KAZN: variants seen among roughly 807,000 people sequenced by gnomAD.
The protein encoded by KAZN is kazrin.
Under a neutral mutation model 87.4 loss-of-function variants are expected in KAZN, and 40 were observed. The ratio of observed to expected loss-of-function variants is 0.46; its 90% CI spans 0.36 to 0.60. The LOEUF is 0.60. Among genes scored for constraint, KAZN ranks in the 20% least tolerant of loss-of-function variants. The probability of loss-of-function intolerance (pLI) is 0.00; values close to 1 mark genes in which losing one functional copy is unlikely to be tolerated. For missense variants in KAZN, 898 were observed against 1,073.9 expected, an observed-to-expected ratio of 0.84 and a Z score of 2.29; for synonymous variants, 466 against 458.3, an observed-to-expected ratio of 1.02 and a Z score of -0.22.
intron 1 of KAZN, among the ~76,000 whole-genome samples, chr1:14,057,374 C>T (rs1642618868): frequency 1.3e-5 from 2 of 152,068 alleles, no homozygotes; most frequent in Admixed American, 1.3e-4. Flanking sequence ...ACCTCATAAT[C>T]CTCCCTCCTC....
chr1:14,180,561 T>C (rs1300280295), exon 2 of KAZN: 7 of 1,550,352 alleles, frequency 4.5e-6, no homozygotes, highest in Non-Finnish European at 6.1e-6. Flanking sequence ...AGTTCCATGA[T>C]ATTGATGAGG....
chr1:14,544,350 CTTTTTT>C (rs374148415), intron 2 of KAZN, among the ~76,000 whole-genome samples: 1 of 98,120 alleles, frequency 1.0e-5, no homozygotes, highest in Admixed American at 1.4e-4. Flanking sequence ...TTCTTTCTTT[CTTTTTT>C]TTTTTTTTTT....
intron 1 of KAZN, among the ~76,000 whole-genome samples, chr1:13,940,661 GAC>G (rs1363961260): frequency 6.6e-6 from 1 of 152,070 alleles, no homozygotes; most frequent in African/African-American, 2.4e-5. Flanking sequence ...ATACAGGTTA[GAC>G]ACAACAGAAG....
At chr1:14,020,560 C>T (rs1464801834) in intron 1 of KAZN, among the ~76,000 whole-genome samples, 2 of 152,184 alleles carry the variant, frequency 1.3e-5, no homozygotes, top group Admixed American at 6.5e-5. Context: ...AAGTGACTAG[C>T]AAACTGTTTT....
intron 2 of KAZN, among the ~76,000 whole-genome samples, chr1:14,355,402 ATTTATTTAT>A (rs1658931723): frequency 5.1e-5 from 1 of 19,542 alleles, no homozygotes; most frequent in Non-Finnish European, 1.2e-4. Context: ...CAATCTACAT[ATTTATTTAT>A]TTATTTATTT....
intron 1 of KAZN, among the ~76,000 whole-genome samples, chr1:14,135,005 GTGCACACA>G (rs61336768): frequency 0.51 from 60,178 of 118,896 alleles, 12,635 homozygotes; most frequent in East Asian, 0.71. Flanking sequence ...ACACACACAT[GTGCACACA>G]TGCACACATA....
rs1455193395 is a variant in KAZN, at chr1:14,697,417, A to G, written c.226+98194A>G. On this transcript the variant is annotated intron_variant, in intron 1 of 14. Coordinates refer to ENST00000376030, the MANE Select transcript of KAZN (RefSeq NM_201628.3). ...ATACTGGCCACAGCTATGTTGAGGA[A>G]ACAATGACCTCCTGTCCGTAAGCAT... Among the ~76,000 whole-genome samples, 4 of 152,234 alleles carry G rather than the reference A, an allele frequency of 2.6e-5. No individual in the cohort carries two copies. The East Asian group carries it at 7.7e-4, about 29-fold the overall frequency.
At chr1:14,362,512 G>C (rs148200055) in intron 2 of KAZN, among the ~76,000 whole-genome samples, 1 of 152,154 alleles carries the variant, frequency 6.6e-6, no homozygotes, top group Admixed American at 6.5e-5. Context: ...ATGCTCAAAG[G>C]CAGGGGATCA....
chr1:14,082,370 T>G (rs1643708152), intron 1 of KAZN, among the ~76,000 whole-genome samples: 1 of 152,156 alleles, frequency 6.6e-6, no homozygotes, highest in Non-Finnish European at 1.5e-5. Flanking sequence ...TTTGACAAGA[T>G]AGTCCAGGCA....
intron 2 of KAZN, among the ~76,000 whole-genome samples, chr1:14,408,454 C>G (rs1664045760): frequency 6.6e-6 from 1 of 152,154 alleles, no homozygotes; most frequent in South Asian, 2.1e-4. Flanking sequence ...TAACTAAAGC[C>G]ACAGGCTGGG....
At chr1:14,777,638 C>T (rs530269978) in intron 1 of KAZN, among the ~76,000 whole-genome samples, 1 of 152,324 alleles carries the variant, frequency 6.6e-6, no homozygotes, top group East Asian at 1.9e-4. Context: ...ATTGCTCTTC[C>T]TTCTTGGAAC....
chr1:13,928,410 A>G (rs368996165), intron 1 of KAZN, among the ~76,000 whole-genome samples: 2 of 152,068 alleles, frequency 1.3e-5, no homozygotes, highest in African/African-American at 4.8e-5. Flanking sequence ...CTGAATTCCT[A>G]TTTTTCTTTT....
At chr1:13,976,884 G>C (rs1192064653) in intron 1 of KAZN, among the ~76,000 whole-genome samples, 1 of 152,150 alleles carries the variant, frequency 6.6e-6, no homozygotes. Flanking sequence ...TGCAGTGCTA[G>C]TCAGAAAAAT....
At chr1:14,175,589 CTGTG>C (rs954963805) in intron 1 of KAZN, among the ~76,000 whole-genome samples, 9 of 152,142 alleles carry the variant, frequency 5.9e-5, no homozygotes, top group Non-Finnish European at 1.2e-4. Flanking sequence ...ACGAGTTGTA[CTGTG>C]TGTGAGTAGT....
intron 2 of KAZN, among the ~76,000 whole-genome samples, chr1:14,416,714 G>A (rs1046374439): frequency 6.6e-6 from 1 of 152,014 alleles, no homozygotes; most frequent in East Asian, 1.9e-4. Flanking sequence ...TCCAGCCTGG[G>A]TGACAGAACA....
chr1:15,056,142 C>G lies in KAZN; in HGVS notation c.778C>G (p.Leu260Val). The change falls in exon 5 of 15, where the codon CTC becomes GTC. Residue 260 changes from leucine (L) to valine (V), a missense_variant. Physicochemically the swap from Leu to Val is conservative, Grantham distance 32. Coordinates refer to ENST00000376030, the MANE Select transcript of KAZN (RefSeq NM_201628.3). The surrounding 1 kb of genome is among the most constrained non-coding windows in gnomAD (Gnocchi z 5.4). The part of the protein sequence containing the change: ...LTKDVPKRHS[L>V]AMPGETVLNG... ...CAAGGACGTCCCCAAGCGGCATTCC[C>G]TCGCCATGCCGGGCGAGACGGTGCT... 6.2e-7 allele frequency: 1 copy of G among 1,614,130 alleles called. No homozygotes were observed. Among genetic ancestry groups the G allele is most frequent in the Non-Finnish European group, 8.5e-7 (1 of 1,179,952 alleles).
chr1:14,845,776 C>A (rs1648680378), intron 1 of KAZN, among the ~76,000 whole-genome samples: 1 of 152,090 alleles, frequency 6.6e-6, no homozygotes, highest in African/African-American at 2.4e-5. Flanking sequence ...CATTTAAGGA[C>A]TTTATTATGG....
intron 2 of KAZN, among the ~76,000 whole-genome samples, chr1:14,310,898 G>A (rs550420376): frequency 3.8e-4 from 58 of 152,334 alleles, no homozygotes; most frequent in African/African-American, 1.3e-3. Flanking sequence ...ATTTTGAGAA[G>A]TCCAGCACCA....
intron 4 of KAZN, among the ~76,000 whole-genome samples, chr1:15,050,436 G>A (rs1236360915): frequency 6.6e-5 from 10 of 152,130 alleles, no homozygotes; most frequent in Non-Finnish European, 1.0e-4. Flanking sequence ...ACCTTTTCCT[G>A]CCTCAGTTTC....
Sources: gnomAD v4.1 joint callset for allele counts (sites outside exome capture counted in the v4.1 genomes callset) on GRCh38, gnomAD v4.1.1 for gene constraint, Gnocchi (gnomAD v3.1) non-coding constraint, MANE v1.5 for transcripts, NCBI Gene and HGNC (gene_info 2026-07-23, HGNC 2026-07-21) for gene names.